The following ERG variants were observed in gnomAD, a reference collection of about 807,000 sequenced individuals.
ERG encodes transcriptional regulator ERG.
Under a neutral mutation model 55.3 loss-of-function variants are expected in ERG, and 9 were observed. The ratio of observed to expected loss-of-function variants is 0.16; its 90% CI spans 0.10 to 0.28. The LOEUF is 0.28. ERG is among the 10% of genes least tolerant of loss of function. The probability of loss-of-function intolerance (pLI) is 1.00; values close to 1 mark genes in which losing one functional copy is unlikely to be tolerated. For missense variants in ERG, 434 were observed against 631.6 expected (o/e 0.69, Z 3.35); for synonymous variants, 223 against 237.3 (o/e 0.94, Z 0.55).
At chr21:38,602,970 G>A (rs758434625) in intron 1 of ERG, among the ~76,000 whole-genome samples, 1 of 151,894 alleles carries the variant, frequency 6.6e-6, no homozygotes, top group Non-Finnish European at 1.5e-5. Context: ...CCTAGCCAGG[G>A]TCCAGGCAAG....
intron 1 of ERG, among the ~76,000 whole-genome samples, chr21:38,633,363 G>A (rs2060368628): frequency 6.6e-6 from 1 of 152,012 alleles, no homozygotes; most frequent in African/African-American, 2.4e-5. Flanking sequence ...GATTAAGATG[G>A]TAACTTTCAT....
At chr21:38,619,797 C>T (rs1282222890) in intron 1 of ERG, among the ~76,000 whole-genome samples, 1 of 152,188 alleles carries the variant, frequency 6.6e-6, no homozygotes, top group Non-Finnish European at 1.5e-5. Context: ...GTACCTGGAG[C>T]ATTCATTTTA....
chr21:38,501,762 A>T (rs1174420103), upstream of ERG, among the ~76,000 whole-genome samples: 2 of 152,198 alleles, frequency 1.3e-5, no homozygotes, highest in African/African-American at 2.4e-5. Flanking sequence ...ACCTATGAAT[A>T]AAGCACACAT....
intron 1 of ERG, chr21:38,451,304 A>T (rs1156936808): frequency 2.2e-6 from 1 of 457,326 alleles, no homozygotes; most frequent in African/African-American, 2.0e-5. Context: ...ATGTGTAGCA[A>T]TGGGCCCTGC....
intron 2 of ERG, among the ~76,000 whole-genome samples, chr21:38,555,155 C>T (rs1253620336): frequency 6.6e-6 from 1 of 151,868 alleles, no homozygotes; most frequent in African/African-American, 2.4e-5. Flanking sequence ...AGTGAAACCT[C>T]GTCTCTACTG....
chr21:38,649,222 G>A (rs1205461833), intron 1 of ERG, among the ~76,000 whole-genome samples: 3 of 152,196 alleles, frequency 2.0e-5, no homozygotes, highest in South Asian at 2.1e-4. Flanking sequence ...TGGCATCACC[G>A]AGGGCTGCGG....
In ERG at chr21:38,528,433, CTTTTTTTTTTTTTTT is replaced by C. The variant is rs869069278; in HGVS notation, c.-41+47214_-41+47228del. On this transcript the variant is annotated intron_variant, in intron 2 of 8. Transcript: ENST00000398897. The stretch of plus-strand genomic sequence containing the variant: ...TTATACATTAGGAAGCCATAGCAAA[CTTTTTTTTTTTTTTT>C]TTTTTTTTTTTTTTTTTGAGACGGA... Among the ~76,000 whole-genome samples the C allele has an allele frequency of 4.3e-4, 10 of 23,506 alleles. 2 individuals carry two copies. In the Admixed American group the frequency reaches 4.6e-3, roughly 11 times the overall value. The allele number at this position is 23,506 out of a possible 152,430, so 15.4% of individuals were successfully genotyped here.
At chr21:38,455,027 T>C (rs1485091570) in intron 1 of ERG, among the ~76,000 whole-genome samples, 2 of 152,178 alleles carry the variant, frequency 1.3e-5, no homozygotes, top group Non-Finnish European at 2.9e-5. Context: ...CAGCGTGCTG[T>C]TGGTATTCTC....
intron 2 of ERG, among the ~76,000 whole-genome samples, chr21:38,537,649 A>G: frequency 6.6e-6 from 1 of 152,188 alleles, no homozygotes; most frequent in African/African-American, 2.4e-5. Flanking sequence ...TAGTATGACT[A>G]TTACCAAAAA....
the ERG span, among the ~76,000 whole-genome samples, chr21:38,368,253 T>C: frequency 6.6e-6 from 1 of 152,110 alleles, no homozygotes; most frequent in Non-Finnish European, 1.5e-5. Flanking sequence ...TGTTTGTTTG[T>C]TTTGCTTTTT....
intron 3 of ERG, among the ~76,000 whole-genome samples, chr21:38,410,418 T>C (rs1295127201): frequency 6.6e-6 from 1 of 152,260 alleles, no homozygotes; most frequent in Non-Finnish European, 1.5e-5. Context: ...AAGCCATCAC[T>C]CTCTGAAGCC....
intron 1 of ERG, among the ~76,000 whole-genome samples, chr21:38,489,986 T>G (rs2059321190): frequency 6.6e-6 from 1 of 152,194 alleles, no homozygotes; most frequent in African/African-American, 2.4e-5. Context: ...ATAAGAAGAA[T>G]AGGGAGACAC....
intron 1 of ERG, among the ~76,000 whole-genome samples, chr21:38,598,957 A>C (rs893795186): frequency 6.6e-5 from 10 of 152,204 alleles, no homozygotes; most frequent in African/African-American, 2.4e-4. Flanking sequence ...AGGGAAAGAA[A>C]GGAAAGGGGG....
At chr21:38,594,363 T>C (rs939265589) in intron 1 of ERG, among the ~76,000 whole-genome samples, 1 of 152,198 alleles carries the variant, frequency 6.6e-6, no homozygotes, top group Non-Finnish European at 1.5e-5. Flanking sequence ...GTTGACAACA[T>C]GCCTCCCCGT....
At chr21:38,638,182 C>A (rs999302565) in intron 1 of ERG, among the ~76,000 whole-genome samples, 1 of 152,180 alleles carries the variant, frequency 6.6e-6, no homozygotes, top group African/African-American at 2.4e-5. Context: ...CCCCATGGGA[C>A]CTTGAGCAAG....
intron 1 of ERG, among the ~76,000 whole-genome samples, chr21:38,658,433 A>C (rs2060532276): frequency 6.6e-6 from 1 of 152,218 alleles, no homozygotes; most frequent in Non-Finnish European, 1.5e-5. Context: ...TCCAGATCCT[A>C]TGACCGGGAC....
downstream of ERG, among the ~76,000 whole-genome samples, chr21:38,375,762 G>A (rs1225850421): frequency 6.6e-6 from 1 of 152,144 alleles, no homozygotes; most frequent in South Asian, 2.1e-4. Context: ...TTTACTTGGT[G>A]TGTATAACAC....
chr21:38,530,919 G>A (rs967750299), intron 2 of ERG, among the ~76,000 whole-genome samples: 1 of 152,210 alleles, frequency 6.6e-6, no homozygotes, highest in Non-Finnish European at 1.5e-5. Flanking sequence ...TCAAAAGGAC[G>A]AATAAAGTTC....
rs74351908 is a variant in ERG at position 38,639,071 on chromosome 21, G to A, written c.-150+22587C>T. 3.5e-3 allele frequency among the ~76,000 whole-genome samples: 527 copies of A among 152,214 alleles called. 5 individuals are homozygous for A. Among genetic ancestry groups the A allele is most frequent in the African/African-American group, 0.012 (500 of 41,512 alleles). On this transcript the variant is annotated intron_variant, in intron 1 of 10. Coordinates refer to the ERG transcript ENST00000398910. ...ACCACCCTTTCCACAGCTGACAACA[G>A]CAGTATTCTCCCCCAGGAGATGCTG...
Sources: allele counts gnomAD v4.1 joint callset (sites outside exome capture counted in the v4.1 genomes callset), GRCh38; gene constraint gnomAD v4.1.1; transcripts MANE v1.5; gene names NCBI Gene and HGNC (gene_info 2026-07-23, HGNC 2026-07-21).